The following REV3L variants were observed in gnomAD, a reference collection of about 807,000 sequenced individuals.
The protein encoded by REV3L is REV3 like, DNA directed polymerase zeta catalytic subunit, also known as DNA polymerase zeta catalytic subunit.
In REV3L, 69 loss-of-function variants were observed where a neutral mutation model predicts 299.4. That is an observed-to-expected ratio of 0.23 (90% CI 0.19 to 0.28). The LOEUF (loss-of-function observed/expected upper bound fraction) is 0.28, where lower values mean the gene tolerates loss of function less well. REV3L is among the 10% of genes least tolerant of loss of function. The probability of loss-of-function intolerance (pLI) is 1.00; values close to 1 mark genes in which losing one functional copy is unlikely to be tolerated. For synonymous variants in REV3L, 1,238 were observed against 1,271.4 expected (o/e 0.97, Z 0.56); for missense variants, 3,128 against 3,693.8 (o/e 0.85, Z 3.97).
At chr6:111,316,802 A>G (rs564661647) in intron 26 of REV3L, among the ~76,000 whole-genome samples, 120 of 152,370 alleles carry the variant, frequency 7.9e-4, no homozygotes, top group African/African-American at 2.7e-3. Context: ...AAGACATTAC[A>G]AACACTTTGT....
intron 4 of REV3L, among the ~76,000 whole-genome samples, chr6:111,402,806 T>C (rs1264269354): frequency 6.6e-6 from 1 of 152,188 alleles, no homozygotes; most frequent in African/African-American, 2.4e-5. Context: ...ATATTAGGAC[T>C]GGAAGTGTCA....
intron 30 of REV3L, chr6:111,308,139 T>A (rs1216384597): frequency 5.7e-6 from 2 of 352,232 alleles, no homozygotes; most frequent in Non-Finnish European, 1.1e-5. Context: ...GGCTGCATAG[T>A]ATTCCATGGT....
chr6:111,385,657 T>G (rs1366773538), intron 9 of REV3L, among the ~76,000 whole-genome samples: 1 of 150,982 alleles, frequency 6.6e-6, no homozygotes, highest in East Asian at 1.9e-4. Context: ...GAAGTTAACA[T>G]TTTTTTTTGA....
chr6:111,319,917 A>G (rs999564492), intron 26 of REV3L, among the ~76,000 whole-genome samples: 4 of 140,034 alleles, frequency 2.9e-5, no homozygotes, highest in African/African-American at 1.1e-4. Context: ...GCAACCTCCA[A>G]TTCCTGCGTT....
chr6:111,410,175 C>T (rs1784099221), intron 3 of REV3L, among the ~76,000 whole-genome samples: 1 of 151,902 alleles, frequency 6.6e-6, no homozygotes, highest in African/African-American at 2.4e-5. Context: ...ATTGCGTACT[C>T]CAGCCTGGGC....
rs774435604 is a variant in REV3L, at chr6:111,372,850, T to A, written c.5505A>T (p.Glu1835Asp). 8 of 1,614,008 alleles carry A rather than the reference T, an allele frequency of 5.0e-6. No individual in the cohort carries two copies. The African/African-American group carries it at 1.1e-4, about 22-fold the overall frequency. The part of the protein sequence containing the change: ...PDGELVDVAC[E>D]DLELYVSRNN... ...TTCTTGAAACATACAGTTCTAAATC[T>A]TCACAGGCCACGTCTACAAGTTCAC... Residue 1835 changes from glutamate (E) to aspartate (D), a missense_variant, in exon 13 of 32, where the codon GAA becomes GAT. Physicochemically the swap from Glu to Asp is conservative, Grantham distance 45. Around this residue, in one of 9 missense-constraint regions of REV3L, gnomAD observed 2,409 missense variants for 2,611.8 expected, o/e 0.92. Transcript: ENST00000368802.
intron 1 of REV3L, among the ~76,000 whole-genome samples, chr6:111,445,032 G>C (rs550812776): frequency 5.3e-5 from 8 of 152,306 alleles, no homozygotes; most frequent in Admixed American, 3.9e-4. Context: ...TCGTTTTCAA[G>C]AATCAACTAC....
chr6:111,308,513 G>A (rs1157003062), intron 30 of REV3L, among the ~76,000 whole-genome samples: 5 of 152,110 alleles, frequency 3.3e-5, no homozygotes, highest in East Asian at 1.9e-4. Flanking sequence ...CTTGAACTAC[G>A]GTTTCTACAG....
At chr6:111,434,700 C>G (rs577006405) in intron 1 of REV3L, among the ~76,000 whole-genome samples, 5 of 150,188 alleles carry the variant, frequency 3.3e-5, no homozygotes, top group Non-Finnish European at 7.4e-5. Context: ...CATTTATATA[C>G]ACCAACAGCA....
intron 1 of REV3L, among the ~76,000 whole-genome samples, chr6:111,437,023 C>G (rs773311769): frequency 2.6e-5 from 4 of 152,160 alleles, no homozygotes; most frequent in Non-Finnish European, 5.9e-5. Context: ...TCAACATCAG[C>G]AGCCATCAGC....
intron 21 of REV3L, among the ~76,000 whole-genome samples, chr6:111,337,608 A>G (rs1776041095): frequency 6.6e-6 from 1 of 152,154 alleles, no homozygotes; most frequent in Admixed American, 6.5e-5. Context: ...GGTTTTAATA[A>G]TTTATATTCA....
At chr6:111,350,568 C>T (rs1477430719) in intron 19 of REV3L, among the ~76,000 whole-genome samples, 2 of 151,332 alleles carry the variant, frequency 1.3e-5, no homozygotes, top group African/African-American at 2.4e-5. Context: ...AAACTTAAAG[C>T]ATCTCTGCCC....
At chr6:111,438,790 G>C (rs1459645184) in intron 1 of REV3L, among the ~76,000 whole-genome samples, 2 of 152,160 alleles carry the variant, frequency 1.3e-5, no homozygotes, top group South Asian at 4.1e-4. Context: ...TTGATCTCAC[G>C]GGGTCCTGAA....
intron 25 of REV3L, among the ~76,000 whole-genome samples, chr6:111,327,869 A>G (rs1391906307): frequency 6.6e-6 from 1 of 152,218 alleles, no homozygotes; most frequent in African/African-American, 2.4e-5. Flanking sequence ...CAATGTGAAT[A>G]TGCCACTACT....
At chr6:111,405,693 T>C (rs1288348440) in intron 3 of REV3L, 63 bp from the exon 4 acceptor site, 2 of 1,140,562 alleles carry the variant, frequency 1.8e-6, no homozygotes, top group African/African-American at 3.2e-5. Flanking sequence ...AATGAAACAA[T>C]GATTATAGAA....
intron 27 of REV3L, among the ~76,000 whole-genome samples, chr6:111,313,827 C>T (rs1773239240): frequency 1.3e-5 from 2 of 152,194 alleles, no homozygotes; most frequent in African/African-American, 4.8e-5. Context: ...TCCATACTGT[C>T]CTTTTCCAAT....
chr6:111,444,798 C>G (rs1395072577), intron 1 of REV3L, among the ~76,000 whole-genome samples: 1 of 152,134 alleles, frequency 6.6e-6, no homozygotes, highest in African/African-American at 2.4e-5. Context: ...GAAAAAAATG[C>G]CAGGGCTATA....
intron 13 of REV3L, among the ~76,000 whole-genome samples, chr6:111,371,970 G>A (rs1374846052): frequency 6.6e-6 from 1 of 152,142 alleles, no homozygotes; most frequent in African/African-American, 2.4e-5. Flanking sequence ...GGGATTACAG[G>A]TGCACACCAC....
intron 28 of REV3L, chr6:111,311,810 T>C (rs1773005112): frequency 1.8e-5 from 1 of 56,568 alleles, no homozygotes; most frequent in Non-Finnish European, 7.2e-5. Flanking sequence ...GTAAGATTAA[T>C]TTTTTTTTTT....
Sources: gnomAD v4.1 joint callset for allele counts (sites outside exome capture counted in the v4.1 genomes callset) on GRCh38, gnomAD v4.1.1 for gene constraint, gnomAD v4.1.1 regional missense constraint, MANE v1.5 for transcripts, NCBI Gene and HGNC (gene_info 2026-07-23, HGNC 2026-07-21) for gene names.